Variants in MTHFD1L observed in about 807,000 individuals in gnomAD.
MTHFD1L encodes methylenetetrahydrofolate dehydrogenase (NADP+ dependent) 1 like.
Under a neutral mutation model 119.5 loss-of-function variants are expected in MTHFD1L, and 81 were observed. That is an observed-to-expected ratio of 0.68 (90% CI 0.57 to 0.82). MTHFD1L has a LOEUF of 0.82. Ranked by LOEUF, MTHFD1L falls within the 40% of genes least tolerant of loss-of-function variation. The probability of loss-of-function intolerance (pLI) is 0.00; values close to 1 mark genes in which losing one functional copy is unlikely to be tolerated. For missense variants in MTHFD1L, 1,125 were observed against 1,253.4 expected (o/e 0.90, Z 1.55); for synonymous variants, 430 against 475.2 (o/e 0.90, Z 1.24).
At chr6:151,065,935 A>G (rs60596388) in intron 26 of MTHFD1L, among the ~76,000 whole-genome samples, 3,426 of 152,336 alleles carry the variant, frequency 0.022, 123 homozygotes, top group African/African-American at 0.078. Flanking sequence ...CTACTCTTCA[A>G]TTCCTTTAAT....
rs1180670286 is a variant in MTHFD1L, at chr6:150,885,811, G to A, written c.643+77G>A. ...TTATTTTTAATAAGGATTTGTTTGG[G>A]GAAGAATTAAAAATTTTTTTAAATT... is the stretch of plus-strand genomic sequence containing the variant. On this transcript the variant is annotated intron_variant, in intron 6 of 27. Coordinates refer to ENST00000367321, the MANE Select transcript of MTHFD1L (RefSeq NM_015440.5). 1.9e-5 allele frequency: 23 copies of A among 1,187,494 alleles called. No individual in the cohort carries two copies. In the Admixed American group the frequency reaches 2.7e-4, roughly 14 times the overall value. 73.6% of individuals were successfully genotyped at this position (1,187,494 alleles called of 1,614,324 possible). A position where few individuals can be genotyped will look rare whatever the true frequency, so the allele number is the denominator to read the frequency against.
intron 20 of MTHFD1L, among the ~76,000 whole-genome samples, chr6:150,983,117 A>G (rs57137465): frequency 0.077 from 11,704 of 152,048 alleles, 1,522 homozygotes; most frequent in African/African-American, 0.27. Context: ...TCTATTTTGT[A>G]TTGTGCTATT....
intron 26 of MTHFD1L, among the ~76,000 whole-genome samples, chr6:151,049,790 C>T (rs1788732849): frequency 6.6e-6 from 1 of 152,144 alleles, no homozygotes; most frequent in African/African-American, 2.4e-5. Flanking sequence ...GATTTTCGTC[C>T]ATGGTTCCTG....
At chr6:150,975,395 C>T (rs1555182) in intron 20 of MTHFD1L, among the ~76,000 whole-genome samples, 64,801 of 151,908 alleles carry the variant, frequency 0.43, 15,857 homozygotes, top group African/African-American at 0.63. Context: ...GACAGTGTTC[C>T]TTGCCCATTG....
At chr6:150,997,146 C>A (rs1197778543) in intron 20 of MTHFD1L, among the ~76,000 whole-genome samples, 1 of 152,148 alleles carries the variant, frequency 6.6e-6, no homozygotes, top group East Asian at 1.9e-4. Flanking sequence ...CCTGGTCAGC[C>A]CTGAGGGCTC....
intron 16 of MTHFD1L, among the ~76,000 whole-genome samples, chr6:150,952,253 C>T (rs1052791674): frequency 6.6e-6 from 1 of 152,166 alleles, no homozygotes; most frequent in Admixed American, 6.5e-5. Context: ...TTTGGAATGA[C>T]ATTTGATAAG....
At chr6:150,969,552 G>A (rs984471458) in intron 19 of MTHFD1L, among the ~76,000 whole-genome samples, 1 of 149,706 alleles carries the variant, frequency 6.7e-6, no homozygotes, top group Non-Finnish European at 1.5e-5. Flanking sequence ...TTCATATACA[G>A]GACTGGGCTT....
chr6:151,075,865 A>G lies in MTHFD1L; in HGVS notation c.2848-16602A>G, dbSNP rs140304254. Among the ~76,000 whole-genome samples the G allele has an allele frequency of 2.6e-3, 403 of 152,340 alleles. 6 individuals are homozygous for G. The highest frequency in any genetic ancestry group is 1.5e-3 in the East Asian group (8 of 5,190). On this transcript the variant is annotated intron_variant, in intron 26 of 27. Transcript: ENST00000367321. ...TACAGAGTGGGAGAAAATATTTGCA[A>G]GTTATCTATTTGATATAAGGATTTG... is the stretch of plus-strand genomic sequence containing the variant.
intron 8 of MTHFD1L, among the ~76,000 whole-genome samples, chr6:150,913,285 C>T (rs954887789): frequency 4.6e-5 from 7 of 151,972 alleles, no homozygotes; most frequent in African/African-American, 9.7e-5. Context: ...TTCAGCCTCC[C>T]GAGTATCTGG....
chr6:150,971,123 A>C (rs1361544051), intron 19 of MTHFD1L, among the ~76,000 whole-genome samples: 2 of 152,238 alleles, frequency 1.3e-5, no homozygotes, highest in Non-Finnish European at 2.9e-5. Context: ...TGACCAAATA[A>C]TACAAAATTC....
chr6:150,943,269 C>T (rs111299314), intron 13 of MTHFD1L, among the ~76,000 whole-genome samples: 3,437 of 150,244 alleles, frequency 0.023, 138 homozygotes, highest in African/African-American at 0.079. Flanking sequence ...AGCGAAACTC[C>T]GTCTCAAAAA....
At chr6:150,966,490 G>A (rs1280434381) in intron 19 of MTHFD1L, among the ~76,000 whole-genome samples, 5 of 152,060 alleles carry the variant, frequency 3.3e-5, no homozygotes, top group East Asian at 3.8e-4. Flanking sequence ...ATGTGGGTGG[G>A]GACACAGAGC....
At chr6:150,913,407 C>T (rs553805318) in intron 8 of MTHFD1L, among the ~76,000 whole-genome samples, 34 of 152,164 alleles carry the variant, frequency 2.2e-4, no homozygotes, top group Admixed American at 1.5e-3. Context: ...CCTGGTCATC[C>T]GCCCGACTCG....
intron 6 of MTHFD1L, 63 bp from the exon 7 acceptor site, chr6:150,887,781 TA>T (rs1782561507): frequency 1.2e-5 from 18 of 1,482,158 alleles, no homozygotes; most frequent in Non-Finnish European, 1.6e-5. Context: ...TTTCTTAAGA[TA>T]AAGTTCTTAA....
intron 1 of MTHFD1L, among the ~76,000 whole-genome samples, chr6:150,871,875 A>T (rs9478844): frequency 0.057 from 8,464 of 148,222 alleles, 397 homozygotes; most frequent in East Asian, 0.23. Context: ...ATTTTAATTT[A>T]ATTTTATTTT....
intron 1 of MTHFD1L, chr6:150,866,337 G>C (rs1403206483): frequency 6.9e-7 from 1 of 1,448,292 alleles, no homozygotes; most frequent in South Asian, 1.4e-5. Context: ...GGCTCCACGT[G>C]CGCAGCCGGC....
chr6:151,088,599 G>C (rs1040139336), intron 26 of MTHFD1L, among the ~76,000 whole-genome samples: 1 of 151,480 alleles, frequency 6.6e-6, no homozygotes, highest in Admixed American at 6.6e-5. Flanking sequence ...TAAAACGACG[G>C]GTGCTCATTA....
At chr6:151,074,678 T>G (rs1458117249) in intron 26 of MTHFD1L, among the ~76,000 whole-genome samples, 3 of 152,224 alleles carry the variant, frequency 2.0e-5, no homozygotes, top group African/African-American at 7.2e-5. Context: ...ACTGTATTTT[T>G]TACTGTACCC....
chr6:150,999,124 A>T (rs1284658383), intron 20 of MTHFD1L, among the ~76,000 whole-genome samples: 1 of 152,136 alleles, frequency 6.6e-6, no homozygotes, highest in Non-Finnish European at 1.5e-5. Context: ...AATATTACAA[A>T]ATCTGAAAAA....
Sources: gnomAD v4.1 joint callset for allele counts (sites outside exome capture counted in the v4.1 genomes callset) on GRCh38, gnomAD v4.1.1 for gene constraint, MANE v1.5 for transcripts, NCBI Gene and HGNC (gene_info 2026-07-23, HGNC 2026-07-21) for gene names.